Variants in ELAVL2 observed in about 807,000 individuals in gnomAD.
The protein encoded by ELAVL2 is ELAV like RNA binding protein 2.
Under a neutral mutation model 34.6 loss-of-function variants are expected in ELAVL2, and 4 were observed. That is an observed-to-expected ratio of 0.12 (90% CI 0.06 to 0.26). ELAVL2 has a LOEUF of 0.26. ELAVL2 is among the 10% of genes least tolerant of loss of function. ELAVL2 has a pLI of 1.00. For missense variants in ELAVL2, 432 were observed against 442.8 expected (o/e 0.98, Z 0.22); for synonymous variants, 193 against 154.8 (o/e 1.25, Z -1.83).
At chr9:23,733,303 A>T (rs1422322484) in intron 2 of ELAVL2, among the ~76,000 whole-genome samples, 6 of 152,092 alleles carry the variant, frequency 3.9e-5, no homozygotes, top group Non-Finnish European at 7.4e-5. Flanking sequence ...ATGAGATCTC[A>T]CTACATTGGC....
At chr9:23,796,098 T>C (rs1347512158) in intron 1 of ELAVL2, among the ~76,000 whole-genome samples, 1 of 152,236 alleles carries the variant, frequency 6.6e-6, no homozygotes, top group African/African-American at 2.4e-5. Flanking sequence ...GTAATATACT[T>C]CTGCAATCCA....
chr9:23,691,049 A>T lies in ELAVL2; in HGVS notation c.*1508T>A, dbSNP rs1416145022. The T allele has an allele frequency of 6.6e-6, 1 of 152,566 alleles. No individual in the cohort carries two copies. The highest frequency in any genetic ancestry group is 2.4e-5 in the African/African-American group (1 of 41,438). The allele number at this position is 152,566 out of a possible 1,614,324, so 9.5% of individuals were successfully genotyped here. A position where few individuals can be genotyped will look rare whatever the true frequency, so the allele number is the denominator to read the frequency against. On this transcript the variant is annotated 3_prime_UTR_variant, in exon 7 of 7. Transcript: ENST00000397312. ...TTTTTTATACCACAAACATATTTATAAACCAAAATGTAGCATCACCATAAA... is the reference window on the plus strand; with the variant it reads ...TTTTTTATACCACAAACATATTTATTAACCAAAATGTAGCATCACCATAAA...
chr9:23,843,574 C>T, the ELAVL2 span, among the ~76,000 whole-genome samples: 1 of 152,164 alleles, frequency 6.6e-6, no homozygotes, highest in South Asian at 2.1e-4. Context: ...AGTGAAATTG[C>T]TTAAATTGAT....
At chr9:23,843,825 CCAT>C in the ELAVL2 span, among the ~76,000 whole-genome samples, 1 of 151,800 alleles carries the variant, frequency 6.6e-6, no homozygotes, top group Non-Finnish European at 1.5e-5. Context: ...TTTGCTTTAT[CCAT>C]TATGCTACTA....
intron 1 of ELAVL2, among the ~76,000 whole-genome samples, chr9:23,804,933 C>A (rs2062026281): frequency 1.3e-5 from 2 of 152,152 alleles, no homozygotes; most frequent in South Asian, 4.1e-4. Flanking sequence ...CTAACATTCT[C>A]TGATGTCCTT....
intron 2 of ELAVL2, among the ~76,000 whole-genome samples, chr9:23,755,648 T>C (rs1481688851): frequency 1.3e-5 from 2 of 152,162 alleles, no homozygotes; most frequent in East Asian, 1.9e-4. Flanking sequence ...AATCTAAAAA[T>C]AGATTCAAAT....
intron 3 of ELAVL2, among the ~76,000 whole-genome samples, chr9:23,705,596 G>C (rs936674081): frequency 1.3e-5 from 2 of 152,216 alleles, no homozygotes; most frequent in African/African-American, 4.8e-5. Context: ...ACCAGGGACT[G>C]GTTTTGTGGA....
intron 1 of ELAVL2, among the ~76,000 whole-genome samples, chr9:23,810,137 A>T (rs905681941): frequency 6.6e-6 from 1 of 152,108 alleles, no homozygotes; most frequent in Non-Finnish European, 1.5e-5. Flanking sequence ...CTTGATTTTA[A>T]CAGCATCCTA....
At chr9:23,694,960 T>C (rs956778936) in intron 5 of ELAVL2, among the ~76,000 whole-genome samples, 1 of 152,196 alleles carries the variant, frequency 6.6e-6, no homozygotes, top group African/African-American at 2.4e-5. Flanking sequence ...ATAATAAATA[T>C]GTGATGACCA....
chr9:23,838,512 A>G, the ELAVL2 span, among the ~76,000 whole-genome samples: 1 of 152,180 alleles, frequency 6.6e-6, no homozygotes, highest in East Asian at 1.9e-4. Flanking sequence ...AAAAATAGAT[A>G]TGACAAAAAT....
chr9:23,700,156 T>G (rs986368281), intron 5 of ELAVL2, among the ~76,000 whole-genome samples: 1 of 152,212 alleles, frequency 6.6e-6, no homozygotes, highest in African/African-American at 2.4e-5. Flanking sequence ...TGATTATATT[T>G]TTGGTAATTA....
intron 5 of ELAVL2, among the ~76,000 whole-genome samples, chr9:23,699,990 A>C (rs1422660843): frequency 6.6e-6 from 1 of 151,942 alleles, no homozygotes; most frequent in Admixed American, 6.6e-5. Flanking sequence ...TCCTTCTCAT[A>C]TCTCAAGCAA....
intron 3 of ELAVL2, among the ~76,000 whole-genome samples, chr9:23,730,627 A>C (rs1431128837): frequency 6.6e-6 from 1 of 152,168 alleles, no homozygotes; most frequent in Non-Finnish European, 1.5e-5. Context: ...TTCATACTAT[A>C]AAGGCAGAGT....
At chr9:23,808,374 C>G (rs1192089445) in intron 1 of ELAVL2, among the ~76,000 whole-genome samples, 1 of 151,978 alleles carries the variant, frequency 6.6e-6, no homozygotes, top group Non-Finnish European at 1.5e-5. Context: ...GTCTTAATAC[C>G]TAAGGTAGTA....
chr9:23,701,266 C>A, intron 5 of ELAVL2, 113 bp downstream of exon 5: 1 of 1,159,622 alleles, frequency 8.6e-7, no homozygotes, highest in East Asian at 2.4e-5. Flanking sequence ...GTAATAAAAC[C>A]AACAACACTG....
chr9:23,790,142 A>T (rs1017336185), intron 1 of ELAVL2, among the ~76,000 whole-genome samples: 1 of 152,194 alleles, frequency 6.6e-6, no homozygotes, highest in African/African-American at 2.4e-5. Context: ...GACCAATGTA[A>T]AAGAGGCAGG....
Position 23,692,348 on chromosome 9 carries a change from T to C in ELAVL2, c.*209A>G. The C allele has an allele frequency of 1.7e-6, 1 of 575,408 alleles. No homozygotes were observed. Among genetic ancestry groups the C allele is most frequent in the East Asian group, 3.0e-5 (1 of 33,566 alleles). The allele number at this position is 575,408 out of a possible 1,614,324, so 35.6% of individuals were successfully genotyped here. A position where few individuals can be genotyped will look rare whatever the true frequency, so the allele number is the denominator to read the frequency against. ...TGACAGGTAAAAACCCTGTACCTCT[T>C]GTCCATATTCAAACATAAAAGATAT... is the stretch of plus-strand genomic sequence containing the variant. On this transcript the variant is annotated 3_prime_UTR_variant, in exon 7 of 7. Transcript: ENST00000397312.
intron 3 of ELAVL2, among the ~76,000 whole-genome samples, chr9:23,727,445 C>G (rs982534839): frequency 2.0e-5 from 3 of 152,030 alleles, no homozygotes; most frequent in Non-Finnish European, 2.9e-5. Flanking sequence ...TTTTGGTTAA[C>G]AGAATGAACC....
chr9:23,778,741 G>T (rs1406210868), intron 1 of ELAVL2, among the ~76,000 whole-genome samples: 10 of 152,094 alleles, frequency 6.6e-5, no homozygotes, highest in Non-Finnish European at 1.5e-5. Context: ...TTTAATTGTA[G>T]ACCTAATCAT....
Sources: gnomAD v4.1 joint callset for allele counts (sites outside exome capture counted in the v4.1 genomes callset) on GRCh38, gnomAD v4.1.1 for gene constraint, MANE v1.5 for transcripts, NCBI Gene and HGNC (gene_info 2026-07-23, HGNC 2026-07-21) for gene names.